PLCH1: variants seen among roughly 807,000 people sequenced by gnomAD.
The protein encoded by PLCH1 is 1-phosphatidylinositol 4,5-bisphosphate phosphodiesterase eta-1.
A neutral mutation model predicts 126.7 loss-of-function variants in PLCH1; 60 were observed. The observed-to-expected ratio is 0.47, with a 90% CI of 0.38 to 0.59. The LOEUF is 0.59. Ranked by LOEUF, PLCH1 falls within the 20% of genes least tolerant of loss-of-function variation. PLCH1 has a pLI of 0.00. For missense variants in PLCH1, 1,723 were observed against 2,040.0 expected (o/e 0.84, Z 2.99); for synonymous variants, 719 against 734.9 (o/e 0.98, Z 0.35).
rs1380063670 is a variant in PLCH1, at chr3:155,497,442, A to G, written c.1797-25T>C. ...TCTGTGAAGTACCCACAGAGGATGC[A>G]TGACATTTTGGAGTTGAAAGAGGTT... On this transcript the variant is annotated intron_variant, in intron 14 of 22. Transcript: ENST00000460012. 4.6e-6 allele frequency: 7 copies of G among 1,529,144 alleles called. No individual in the cohort carries two copies. In the Admixed American group the frequency reaches 1.0e-4, roughly 22 times the overall value. The allele number at this position is 1,529,144 out of a possible 1,614,324, so 94.7% of individuals were successfully genotyped here.
chr3:155,465,205 A>G (rs1394601160), intron 21 of PLCH1, among the ~76,000 whole-genome samples: 5 of 152,126 alleles, frequency 3.3e-5, no homozygotes. Context: ...TCTTATGACT[A>G]GATCTCCTCA....
chr3:155,703,949 T>C (rs1341379705), intron 2 of PLCH1, among the ~76,000 whole-genome samples, 197 bp downstream of exon 2: 1 of 152,198 alleles, frequency 6.6e-6, no homozygotes, highest in East Asian at 1.9e-4. Flanking sequence ...TTATAGTCGT[T>C]GAGGTGGGGC....
intron 11 of PLCH1, among the ~76,000 whole-genome samples, chr3:155,520,543 A>G (rs1049270523): frequency 7.9e-5 from 12 of 152,244 alleles, no homozygotes; most frequent in African/African-American, 2.7e-4. Context: ...AGCACAAGAT[A>G]AAAGACACTG....
intron 4 of PLCH1, among the ~76,000 whole-genome samples, chr3:155,587,923 G>C (rs893049324): frequency 6.6e-6 from 1 of 152,172 alleles, no homozygotes; most frequent in African/African-American, 2.4e-5. Context: ...AAGGGTAATG[G>C]AGAGGAAAAG....
At chr3:155,714,877 C>T (rs184836) in intron 1 of PLCH1, among the ~76,000 whole-genome samples, 71,157 of 152,046 alleles carry the variant, frequency 0.47, 19,367 homozygotes, top group African/African-American at 0.74. Context: ...TCTCAAAAGG[C>T]TTTTATATCG....
chr3:155,727,491 G>A (rs150981055), intron 1 of PLCH1, among the ~76,000 whole-genome samples: 5 of 151,334 alleles, frequency 3.3e-5, no homozygotes, highest in African/African-American at 9.7e-5. Context: ...GGGCTCAAGC[G>A]ATTCTCCTGC....
intron 2 of PLCH1, among the ~76,000 whole-genome samples, chr3:155,653,380 C>A (rs1186750387): frequency 6.6e-6 from 1 of 152,090 alleles, no homozygotes; most frequent in African/African-American, 2.4e-5. Context: ...AATTATTTCA[C>A]CTTATTGGGA....
chr3:155,466,176 A>T (rs1016359082), intron 21 of PLCH1, among the ~76,000 whole-genome samples: 1 of 152,210 alleles, frequency 6.6e-6, no homozygotes, highest in African/African-American at 2.4e-5. Flanking sequence ...AGTAGGCCTT[A>T]GGTGAGACTC....
intron 1 of PLCH1, among the ~76,000 whole-genome samples, chr3:155,707,061 T>A (rs1746733837): frequency 6.6e-6 from 1 of 152,088 alleles, no homozygotes; most frequent in African/African-American, 2.4e-5. Flanking sequence ...GAAGAGACCC[T>A]AGAGAGCTAG....
downstream of PLCH1, among the ~76,000 whole-genome samples, chr3:155,476,354 A>T (rs2107988481): frequency 6.6e-6 from 1 of 152,214 alleles, no homozygotes; most frequent in Admixed American, 6.5e-5. Context: ...TGGGGGAAAA[A>T]CTGGAAAGCC....
intron 21 of PLCH1, among the ~76,000 whole-genome samples, chr3:155,455,386 AT>A (rs1445646182): frequency 6.6e-6 from 1 of 152,220 alleles, no homozygotes; most frequent in Non-Finnish European, 1.5e-5. Flanking sequence ...TTCAGGTAGA[AT>A]TTGATCTGAA....
intron 12 of PLCH1, among the ~76,000 whole-genome samples, chr3:155,506,464 C>A (rs1309127978): frequency 1.3e-5 from 2 of 150,934 alleles, no homozygotes; most frequent in Non-Finnish European, 1.5e-5. Flanking sequence ...AACGTGTCAA[C>A]TAGCATTAAG....
intron 21 of PLCH1, among the ~76,000 whole-genome samples, chr3:155,465,969 C>A (rs1332333114): frequency 6.6e-6 from 1 of 152,192 alleles, no homozygotes; most frequent in Admixed American, 6.5e-5. Context: ...AGCCACAATA[C>A]AACAGAACAC....
At chr3:155,475,557 T>C (rs1274983643), downstream of PLCH1, among the ~76,000 whole-genome samples, 2 of 151,734 alleles carry the variant, frequency 1.3e-5, no homozygotes, top group Non-Finnish European at 2.9e-5. Flanking sequence ...TAAACAAAAT[T>C]GACAAACCTT....
At chr3:155,470,415 AT>A (rs1183208594) in intron 21 of PLCH1, among the ~76,000 whole-genome samples, 1 of 152,200 alleles carries the variant, frequency 6.6e-6, no homozygotes. Context: ...TCCAAGAAAT[AT>A]GGGACTATGT....
chr3:155,470,082 C>T lies in PLCH1; in HGVS notation c.2938+15274G>A, dbSNP rs376546417. The stretch of plus-strand genomic sequence containing the variant: ...CGGAACAAAGCTGGATGGAGAATGA[C>T]TTTGACGAGCTGAGAGAAGAAGGCT... On this transcript the variant is annotated intron_variant, in intron 21 of 21. Coordinates refer to the PLCH1 transcript ENST00000494598. Among the ~76,000 whole-genome samples, 4 of 152,192 alleles carry T rather than the reference C, an allele frequency of 2.6e-5. No individual in the cohort carries two copies. The South Asian group carries it at 6.2e-4, about 24-fold the overall frequency.
At chr3:155,604,930 T>C (rs1209120898) in intron 2 of PLCH1, among the ~76,000 whole-genome samples, 1 of 152,206 alleles carries the variant, frequency 6.6e-6, no homozygotes, top group East Asian at 1.9e-4. Flanking sequence ...TCTTAGATTG[T>C]AGCGAATCTG....
At chr3:155,526,489 T>TACAC (rs35144196) in intron 10 of PLCH1, among the ~76,000 whole-genome samples, 1,497 of 126,650 alleles carry the variant, frequency 0.012, 24 homozygotes, top group East Asian at 0.032. Context: ...CTCTCTCTCA[T>TACAC]ACACACACAC....
chr3:155,586,797 A>G (rs1304591677), intron 4 of PLCH1, among the ~76,000 whole-genome samples: 1 of 152,200 alleles, frequency 6.6e-6, no homozygotes, highest in Non-Finnish European at 1.5e-5. Context: ...TTCTTATTCA[A>G]TCTTATCCAA....
Sources: allele counts gnomAD v4.1 joint callset (sites outside exome capture counted in the v4.1 genomes callset), GRCh38; gene constraint gnomAD v4.1.1; transcripts MANE v1.5; gene names NCBI Gene and HGNC (gene_info 2026-07-23, HGNC 2026-07-21).